Variants in OLA1 observed in about 807,000 individuals in gnomAD.
OLA1 encodes Obg like ATPase 1.
Under a neutral mutation model 48.4 loss-of-function variants are expected in OLA1, and 14 were observed. That is an observed-to-expected ratio of 0.29 (90% CI 0.19 to 0.45). OLA1 has a LOEUF of 0.45. Ranked by LOEUF, OLA1 falls within the 20% of genes least tolerant of loss-of-function variation. The probability of loss-of-function intolerance (pLI) is 1.00; values close to 1 mark genes in which losing one functional copy is unlikely to be tolerated. For missense variants in OLA1, 325 were observed against 467.1 expected, an observed-to-expected ratio of 0.70 and a Z score of 2.80; for synonymous variants, 127 against 150.4, an observed-to-expected ratio of 0.84 and a Z score of 1.14.
intron 3 of OLA1, among the ~76,000 whole-genome samples, chr2:174,226,343 G>A (rs1688617111): frequency 6.6e-6 from 1 of 152,048 alleles, no homozygotes; most frequent in African/African-American, 2.4e-5. Flanking sequence ...TTACACTAAT[G>A]ATCTCATGAC....
At chr2:174,120,475 A>T (rs1180888957) in intron 7 of OLA1, among the ~76,000 whole-genome samples, 1 of 152,180 alleles carries the variant, frequency 6.6e-6, no homozygotes. Flanking sequence ...TGGTTTGTGG[A>T]TTCACTTACA....
chr2:174,165,311 A>C lies in OLA1; in HGVS notation c.374-23311T>G, dbSNP rs1687137355. 2.6e-5 allele frequency among the ~76,000 whole-genome samples: 4 copies of C among 152,212 alleles called. No individual in the cohort carries two copies. The South Asian group carries it at 8.3e-4, about 31-fold the overall frequency. On this transcript the variant is annotated intron_variant, in intron 4 of 10. Transcript: ENST00000284719. ...AATGCATAAGGTATATTCAGAAAACAAATATGTTTAAGGAAAATACATCCA... is the reference window on the plus strand; with the variant it reads ...AATGCATAAGGTATATTCAGAAAACCAATATGTTTAAGGAAAATACATCCA...
intron 4 of OLA1, among the ~76,000 whole-genome samples, chr2:174,204,577 G>A (rs1281596570): frequency 6.6e-6 from 1 of 151,944 alleles, no homozygotes; most frequent in African/African-American, 2.4e-5. Flanking sequence ...TCACTAAAGA[G>A]CTACCTATAA....
At chr2:174,229,116 TG>T (rs1342185836) in intron 3 of OLA1, among the ~76,000 whole-genome samples, 191 bp downstream of exon 3, 3 of 152,192 alleles carry the variant, frequency 2.0e-5, no homozygotes. Flanking sequence ...CCTTGTGATC[TG>T]CCCTCCTGGG....
At chr2:174,134,997 T>C (rs558481309) in intron 5 of OLA1, among the ~76,000 whole-genome samples, 93 of 151,734 alleles carry the variant, frequency 6.1e-4, no homozygotes, top group African/African-American at 2.0e-3. Flanking sequence ...CCTACTCTAC[T>C]AAAAATACAA....
chr2:174,077,121 G>T (rs1277730970), intron 10 of OLA1, among the ~76,000 whole-genome samples: 1 of 151,978 alleles, frequency 6.6e-6, no homozygotes, highest in Non-Finnish European at 1.5e-5. Context: ...TGAATCTTGA[G>T]TATGTATTAA....
chr2:174,152,638 G>T (rs1686772812), intron 4 of OLA1, among the ~76,000 whole-genome samples: 1 of 152,128 alleles, frequency 6.6e-6, no homozygotes, highest in Non-Finnish European at 1.5e-5. Context: ...TATATATTTA[G>T]ATCTCTGGAG....
chr2:174,185,470 T>G (rs1011580695), intron 4 of OLA1, among the ~76,000 whole-genome samples: 3 of 152,182 alleles, frequency 2.0e-5, no homozygotes, highest in African/African-American at 7.2e-5. Flanking sequence ...ATAACCACTG[T>G]CAACATTCGA....
At chr2:174,082,862 T>TGTAGTGAATATATTAATTAGGTTCA (rs1306197163) in intron 7 of OLA1, among the ~76,000 whole-genome samples, 1 of 152,020 alleles carries the variant, frequency 6.6e-6, no homozygotes, top group African/African-American at 2.4e-5. Flanking sequence ...ATGAAATAAG[T>TGTAGTGAATATATTAATTAGGTTCA]GTAGTGAATA....
chr2:174,228,901 G>A (rs1273714406), intron 3 of OLA1, among the ~76,000 whole-genome samples: 2 of 151,848 alleles, frequency 1.3e-5, no homozygotes, highest in African/African-American at 2.4e-5. Context: ...TTTTTGAGAC[G>A]GAGTCTTGCT....
chr2:174,140,074 A>T (rs1574503737), intron 5 of OLA1, among the ~76,000 whole-genome samples: 1 of 152,098 alleles, frequency 6.6e-6, no homozygotes, highest in Non-Finnish European at 1.5e-5. Context: ...ACTTAATAGG[A>T]AAAGAGGTTT....
chr2:174,168,957 T>C (rs558129084), intron 4 of OLA1, among the ~76,000 whole-genome samples: 18 of 151,606 alleles, frequency 1.2e-4, no homozygotes, highest in African/African-American at 4.4e-4. Flanking sequence ...TCAACATGCA[T>C]ATAATTTTTC....
intron 2 of OLA1, among the ~76,000 whole-genome samples, chr2:174,234,641 TTTTGTAGAGACAGGG>T (rs1383965443): frequency 6.6e-6 from 1 of 152,084 alleles, no homozygotes; most frequent in Non-Finnish European, 1.5e-5. Flanking sequence ...TATCTGTATT[TTTTGTAGAGACAGGG>T]TTTCACCCTG....
chr2:174,099,961 C>A (rs1277509363), intron 7 of OLA1, among the ~76,000 whole-genome samples: 1 of 152,150 alleles, frequency 6.6e-6, no homozygotes, highest in Non-Finnish European at 1.5e-5. Context: ...AACAATATAT[C>A]ACTATTTGTC....
intron 7 of OLA1, among the ~76,000 whole-genome samples, chr2:174,088,104 A>G (rs1448883062): frequency 6.6e-6 from 1 of 152,194 alleles, no homozygotes; most frequent in African/African-American, 2.4e-5. Context: ...AATATACACA[A>G]AATGATGCAA....
intron 4 of OLA1, among the ~76,000 whole-genome samples, chr2:174,163,562 A>G (rs58610158): frequency 0.53 from 79,895 of 150,080 alleles, 21,855 homozygotes; most frequent in East Asian, 0.95. Flanking sequence ...GGTGGCAGGC[A>G]CCTATAAATC....
chr2:174,229,203 CAAT>C, intron 3 of OLA1, 102 bp downstream of exon 3: 1 of 1,207,424 alleles, frequency 8.3e-7, no homozygotes, highest in South Asian at 1.3e-5. Context: ...TCACCCAAAA[CAAT>C]AATGCTACAT....
chr2:174,095,948 TA>T (rs1685244671), intron 7 of OLA1, among the ~76,000 whole-genome samples: 1 of 152,022 alleles, frequency 6.6e-6, no homozygotes, highest in African/African-American at 2.4e-5. Flanking sequence ...AATATAATAA[TA>T]TAGCAATAAA....
intron 5 of OLA1, among the ~76,000 whole-genome samples, chr2:174,139,877 A>AG (rs1437543501): frequency 6.9e-6 from 1 of 144,424 alleles, no homozygotes; most frequent in Non-Finnish European, 1.5e-5. Context: ...AAAAAAAAAA[A>AG]AAAGAAAGAA....
Sources: gnomAD v4.1 joint callset for allele counts (sites outside exome capture counted in the v4.1 genomes callset) on GRCh38, gnomAD v4.1.1 for gene constraint, MANE v1.5 for transcripts, NCBI Gene and HGNC (gene_info 2026-07-23, HGNC 2026-07-21) for gene names.